Variants in RYR2 observed in about 807,000 individuals in gnomAD.
The protein encoded by RYR2 is cardiac muscle ryanodine receptor-calcium release channel.
A neutral mutation model predicts 601.1 loss-of-function variants in RYR2; 227 were observed. That is an observed-to-expected ratio of 0.38 (90% CI 0.34 to 0.42). The LOEUF (loss-of-function observed/expected upper bound fraction) is 0.42. Among genes scored for constraint, RYR2 ranks in the 10% least tolerant of loss-of-function variants. The pLI is 1.00. For synonymous variants in RYR2, 2,223 were observed against 2,175.1 expected (o/e 1.02, Z -0.61); for missense variants, 4,646 against 6,156.5 (o/e 0.75, Z 8.21).
At chr1:237,793,436 G>A (rs1407750256) in intron 94 of RYR2, among the ~76,000 whole-genome samples, 1 of 152,180 alleles carries the variant, frequency 6.6e-6, no homozygotes, top group Non-Finnish European at 1.5e-5. Context: ...GTGATGCTGA[G>A]CATGAAATTA....
chr1:237,432,832 C>T (rs1706964445), intron 12 of RYR2, among the ~76,000 whole-genome samples: 1 of 150,280 alleles, frequency 6.7e-6, no homozygotes, highest in Admixed American at 6.6e-5. Context: ...ATTAATGCTT[C>T]TGGATAACTT....
chr1:237,484,826 A>T (rs1342749646), intron 17 of RYR2, among the ~76,000 whole-genome samples: 1 of 152,172 alleles, frequency 6.6e-6, no homozygotes, highest in Non-Finnish European at 1.5e-5. Context: ...ATGATAAGGA[A>T]TATTCTCTAC....
intron 32 of RYR2, among the ~76,000 whole-genome samples, 158 bp from the exon 33 acceptor site, chr1:237,593,318 T>C (rs955463043): frequency 2.0e-5 from 3 of 152,204 alleles, no homozygotes; most frequent in African/African-American, 7.2e-5. Context: ...GTAGTGTTAG[T>C]CCTTTGTGCC....
intron 36 of RYR2, among the ~76,000 whole-genome samples, chr1:237,613,467 C>G (rs1171356034): frequency 6.6e-6 from 1 of 152,088 alleles, no homozygotes; most frequent in African/African-American, 2.4e-5. Context: ...GTTGTTGTTT[C>G]TTTATTTATC....
chr1:237,504,165 C>T (rs1388535168), intron 22 of RYR2, among the ~76,000 whole-genome samples: 1 of 152,174 alleles, frequency 6.6e-6, no homozygotes, highest in African/African-American at 2.4e-5. Context: ...GCATATTATA[C>T]TTTTCATGCA....
intron 1 of RYR2, among the ~76,000 whole-genome samples, chr1:237,153,652 CT>C (rs111780275): frequency 1.0e-4 from 12 of 118,488 alleles, no homozygotes; most frequent in South Asian, 2.5e-4. Context: ...ATCAATAAAT[CT>C]TTTTTTTTTA....
intron 29 of RYR2, among the ~76,000 whole-genome samples, chr1:237,573,583 A>G (rs1672926206): frequency 6.7e-6 from 1 of 149,386 alleles, no homozygotes; most frequent in Non-Finnish European, 1.5e-5. Context: ...CCAGAACTAG[A>G]TGGCGGATCA....
In RYR2 at chr1:237,639,047, G is replaced by T. The variant is rs747871917; in HGVS notation, c.6961G>T (p.Val2321Leu). The T allele has an allele frequency of 9.9e-6, 16 of 1,613,858 alleles. No homozygotes were observed. Among genetic ancestry groups the T allele is most frequent in the Non-Finnish European group, 1.4e-5 (16 of 1,179,868 alleles). Reference protein sequence around the residue: ...ESVEENANVVVRLLIRRPECF... With the variant: ...ESVEENANVVLRLLIRRPECF... ...TGTGGAGGAAAATGCAAATGTCGTG[G>T]TGAGATTGCTCATTCGGAGGCCTGA... Residue 2321 changes from valine to leucine, a missense_variant, in exon 46 of 105, where the codon GTG (valine) becomes TTG (leucine). Physicochemically the swap from Val to Leu is conservative, Grantham distance 32 (BLOSUM62 1). Transcript: ENST00000366574.
intron 1 of RYR2, among the ~76,000 whole-genome samples, chr1:237,049,657 GACA>G (rs1165102596): frequency 1.3e-5 from 2 of 152,280 alleles, no homozygotes; most frequent in African/African-American, 4.8e-5. Context: ...CCTGAAAGCT[GACA>G]ACAAGCTTTG....
chr1:237,138,831 A>G (rs934782144), intron 1 of RYR2, among the ~76,000 whole-genome samples: 1 of 152,208 alleles, frequency 6.6e-6, no homozygotes. Flanking sequence ...AGGGAAATGC[A>G]AACTCAATCT....
chr1:237,213,217 A>G (rs1482495579), intron 1 of RYR2, among the ~76,000 whole-genome samples: 1 of 151,936 alleles, frequency 6.6e-6, no homozygotes, highest in Non-Finnish European at 1.5e-5. Context: ...TCGCTCTGTC[A>G]TCCAGGCTGG....
chr1:237,826,894 C>T (rs1663151309), intron 101 of RYR2, among the ~76,000 whole-genome samples: 1 of 152,172 alleles, frequency 6.6e-6, no homozygotes, highest in South Asian at 2.1e-4. Context: ...TGGAATCCAT[C>T]TATACCCAGG....
intron 58 of RYR2, among the ~76,000 whole-genome samples, chr1:237,670,227 G>C (rs902673030): frequency 6.6e-6 from 1 of 151,132 alleles, no homozygotes; most frequent in Admixed American, 6.6e-5. Context: ...GCAGTGAGCC[G>C]AGATGGCAGC....
intron 32 of RYR2, among the ~76,000 whole-genome samples, chr1:237,592,106 G>A (rs1352185751): frequency 1.3e-5 from 2 of 152,046 alleles, no homozygotes; most frequent in East Asian, 3.8e-4. Flanking sequence ...TCTGTTTCTT[G>A]ACAAAATTTT....
Position 237,798,102 on chromosome 1 carries a change from G to A in RYR2, c.14022G>A (p.Lys4674=). The A allele has an allele frequency of 6.2e-7, 1 of 1,611,886 alleles. No individual in the cohort carries two copies. The highest frequency in any genetic ancestry group is 1.3e-5 in the African/African-American group (1 of 75,034). ...DRISELLGMD[K]AALDFSDARE... The stretch of plus-strand genomic sequence containing the variant: ...TCAGTGAATTACTTGGCATGGACAA[G>A]GCAGCTCTGGACTTCAGTGATGCCA... The change falls in exon 97 of 105, where the codon AAG becomes AAA. Residue 4674 remains lysine, a synonymous_variant. Coordinates refer to ENST00000366574, the MANE Select transcript of RYR2 (RefSeq NM_001035.3).
At chr1:237,162,812 GAT>G (rs1044819212) in intron 1 of RYR2, among the ~76,000 whole-genome samples, 1 of 152,126 alleles carries the variant, frequency 6.6e-6, no homozygotes, top group Non-Finnish European at 1.5e-5. Context: ...GGGCTGGAAA[GAT>G]AAACTGCAAG....
intron 103 of RYR2, 117 bp downstream of exon 103, chr1:237,830,747 C>A (rs893879803): frequency 1.7e-6 from 1 of 593,634 alleles, no homozygotes; most frequent in African/African-American, 1.9e-5. Flanking sequence ...GCTGCAGATA[C>A]TTTAAAAGAA....
rs527813159 is a variant in RYR2, at chr1:237,244,355, C to T, written c.49-26142C>T. On this transcript the variant is annotated intron_variant, in intron 1 of 104. Transcript: ENST00000366574. ...CAGATAGTGAGGGTAGGGGCATCCT[C>T]GGTAAGATTTTCCTTTTAATGTAAA... 1.7e-3 allele frequency among the ~76,000 whole-genome samples: 261 copies of T among 152,222 alleles called. 1 individual carries two copies. The highest frequency in any genetic ancestry group is 4.1e-3 in the Admixed American group (63 of 15,296).
At chr1:237,821,962 G>A (rs1205165930) in intron 101 of RYR2, among the ~76,000 whole-genome samples, 1 of 151,684 alleles carries the variant, frequency 6.6e-6, no homozygotes, top group East Asian at 2.0e-4. Context: ...AAGGTGAGAA[G>A]ACAAGATTAG....
Sources: gnomAD v4.1 joint callset for allele counts (sites outside exome capture counted in the v4.1 genomes callset) on GRCh38, gnomAD v4.1.1 for gene constraint, MANE v1.5 for transcripts, NCBI Gene and HGNC (gene_info 2026-07-23, HGNC 2026-07-21) for gene names.